KIF6: variants seen among roughly 807,000 people sequenced by gnomAD.
KIF6 encodes the protein kinesin-like protein KIF6.
Under a neutral mutation model 112.7 loss-of-function variants are expected in KIF6, and 106 were observed. The observed-to-expected ratio is 0.94, with a 90% CI of 0.80 to 1.11. The LOEUF is 1.11. Among genes scored for constraint, KIF6 ranks in the 50% least tolerant of loss-of-function variants. The pLI is 0.00. For missense variants in KIF6, 929 were observed against 964.0 expected (o/e 0.96, Z 0.48); for synonymous variants, 339 against 339.9 (o/e 1.00, Z 0.03).
intron 7 of KIF6, among the ~76,000 whole-genome samples, chr6:39,589,591 G>A (rs1781818705): frequency 6.6e-6 from 1 of 152,142 alleles, no homozygotes; most frequent in Non-Finnish European, 1.5e-5. Context: ...TGCTTAAGAT[G>A]TAGCTCCACC....
At chr6:39,677,507 T>TTTTATTTA (rs70984138) in intron 3 of KIF6, among the ~76,000 whole-genome samples, 46,922 of 145,824 alleles carry the variant, frequency 0.32, 7,691 homozygotes, top group East Asian at 0.37. Context: ...CTTCAGACAA[T>TTTTATTTA]TTTATTTATT....
intron 13 of KIF6, among the ~76,000 whole-genome samples, chr6:39,502,256 G>T (rs1302128736): frequency 1.3e-5 from 2 of 152,044 alleles, no homozygotes; most frequent in African/African-American, 2.4e-5. Flanking sequence ...AAGTGAAGGA[G>T]AAATAAGATC....
chr6:39,536,788 C>T (rs1252766299), intron 13 of KIF6, among the ~76,000 whole-genome samples: 98 of 151,654 alleles, frequency 6.5e-4, no homozygotes, highest in African/African-American at 2.2e-3. Flanking sequence ...ACCAATATCC[C>T]TGATGAACAT....
At chr6:39,693,777 C>T (rs1788363797) in intron 3 of KIF6, among the ~76,000 whole-genome samples, 1 of 152,006 alleles carries the variant, frequency 6.6e-6, no homozygotes, top group African/African-American at 2.4e-5. Flanking sequence ...TAAAACTATT[C>T]CAAAAAATTG....
rs80140897 is a variant in KIF6, at chr6:39,432,050, T to C, written c.1646-889A>G. On this transcript the variant is annotated intron_variant, in intron 13 of 22. Coordinates refer to ENST00000287152, the MANE Select transcript of KIF6 (RefSeq NM_145027.6). ...CAGTAACTCTACCTCCGTGGAGCTT[T>C]CGTCAAAGCCCAGGCAGAACAAACC... is the stretch of plus-strand genomic sequence containing the variant. Among the ~76,000 whole-genome samples the C allele has an allele frequency of 6.6e-3, 1,003 of 152,268 alleles. 8 individuals are homozygous for C. The highest frequency in any genetic ancestry group is 0.023 in the African/African-American group (948 of 41,540).
chr6:39,681,579 A>T (rs1212274346), intron 3 of KIF6, among the ~76,000 whole-genome samples: 1 of 152,170 alleles, frequency 6.6e-6, no homozygotes, highest in East Asian at 1.9e-4. Context: ...CAAATCCTTC[A>T]GCCAGAAACA....
intron 13 of KIF6, among the ~76,000 whole-genome samples, chr6:39,472,626 A>T (rs909592857): frequency 2.0e-5 from 3 of 152,164 alleles, no homozygotes; most frequent in Admixed American, 1.3e-4. Flanking sequence ...ATATAAAAAC[A>T]TATTCCAATG....
At chr6:39,413,762 C>G (rs1459987497) in intron 15 of KIF6, among the ~76,000 whole-genome samples, 5 of 152,096 alleles carry the variant, frequency 3.3e-5, no homozygotes, top group African/African-American at 1.2e-4. Context: ...GCTAGTTGTA[C>G]TCCTTAGATT....
At chr6:39,719,530 G>A (rs572527742) in intron 2 of KIF6, among the ~76,000 whole-genome samples, 6 of 152,182 alleles carry the variant, frequency 3.9e-5, no homozygotes, top group South Asian at 4.1e-4. Flanking sequence ...GATCAAAGAC[G>A]GATTTAATTT....
chr6:39,529,724 T>G (rs1031629098), intron 13 of KIF6, among the ~76,000 whole-genome samples: 35 of 152,110 alleles, frequency 2.3e-4, no homozygotes, highest in Admixed American at 1.6e-3. Flanking sequence ...GAGGCGGAGC[T>G]TGCAGTGAGC....
chr6:39,660,665 G>A (rs1163702994), intron 3 of KIF6, among the ~76,000 whole-genome samples: 1 of 151,910 alleles, frequency 6.6e-6, no homozygotes, highest in Non-Finnish European at 1.5e-5. Context: ...ATTCGATTCA[G>A]TGAGATGAAT....
intron 13 of KIF6, among the ~76,000 whole-genome samples, chr6:39,465,685 A>G (rs1773742959): frequency 6.6e-6 from 1 of 152,228 alleles, no homozygotes; most frequent in African/African-American, 2.4e-5. Context: ...TTATGGCATC[A>G]TGTCCCAGTC....
chr6:39,348,943 A>G (rs1331171161), intron 19 of KIF6, among the ~76,000 whole-genome samples: 2 of 152,212 alleles, frequency 1.3e-5, no homozygotes, highest in East Asian at 3.9e-4. Flanking sequence ...TTATCTGCTC[A>G]CAGAGTGACC....
At chr6:39,557,015 A>G (rs958566953) in intron 10 of KIF6, among the ~76,000 whole-genome samples, 3 of 152,078 alleles carry the variant, frequency 2.0e-5, no homozygotes, top group African/African-American at 7.2e-5. Flanking sequence ...TTTAAATAAC[A>G]GCTTTGGTTT....
intron 12 of KIF6, among the ~76,000 whole-genome samples, chr6:39,542,293 T>C (rs1778831397): frequency 6.6e-6 from 1 of 152,164 alleles, no homozygotes; most frequent in African/African-American, 2.4e-5. Flanking sequence ...CTATTCCCAT[T>C]TATGGGAATG....
chr6:39,708,921 C>T (rs1003327465), intron 3 of KIF6, among the ~76,000 whole-genome samples: 12 of 150,714 alleles, frequency 8.0e-5, no homozygotes, highest in Non-Finnish European at 1.5e-4. Context: ...TAAAACAAGA[C>T]GCTCTTTTGT....
chr6:39,355,158 C>T (rs1177798125), intron 19 of KIF6, among the ~76,000 whole-genome samples: 1 of 152,092 alleles, frequency 6.6e-6, no homozygotes, highest in Non-Finnish European at 1.5e-5. Context: ...TGTACTCCAG[C>T]ATGAGTGAGA....
chr6:39,557,944 C>CT (rs986078023), intron 10 of KIF6, among the ~76,000 whole-genome samples: 30 of 146,520 alleles, frequency 2.0e-4, no homozygotes, highest in South Asian at 8.6e-4. Flanking sequence ...TTCTATCCCC[C>CT]TTTTTTTTTT....
intron 5 of KIF6, among the ~76,000 whole-genome samples, chr6:39,621,321 G>A (rs941089714): frequency 6.6e-6 from 1 of 151,806 alleles, no homozygotes; most frequent in African/African-American, 2.4e-5. Context: ...ATGATTTCTG[G>A]GGGTGACGTT....
Sources: gnomAD v4.1 joint callset for allele counts (sites outside exome capture counted in the v4.1 genomes callset) on GRCh38, gnomAD v4.1.1 for gene constraint, MANE v1.5 for transcripts, NCBI Gene and HGNC (gene_info 2026-07-23, HGNC 2026-07-21) for gene names.